Variants in HP1BP3 observed in about 807,000 individuals in gnomAD.
HP1BP3 encodes the protein heterochromatin protein 1-binding protein 3.
HP1BP3 carries 12 observed loss-of-function variants against 62.5 expected under a neutral mutation model. That is an observed-to-expected ratio of 0.19 (90% CI 0.12 to 0.31). The LOEUF is 0.31. Ranked by LOEUF, HP1BP3 falls within the 10% of genes least tolerant of loss-of-function variation. The pLI is 1.00. For synonymous variants in HP1BP3, 260 were observed against 237.8 expected (o/e 1.09, Z -0.86); for missense variants, 502 against 651.8 (o/e 0.77, Z 2.50).
chr1:20,776,950 T>C (rs2057330613), intron 3 of HP1BP3, among the ~76,000 whole-genome samples, 200 bp from the exon 4 acceptor site: 1 of 152,178 alleles, frequency 6.6e-6, no homozygotes, highest in Non-Finnish European at 1.5e-5. Context: ...TGGTTATTTA[T>C]CTATTATTAG....
At chr1:20,760,290 A>G (rs2056391250) in intron 8 of HP1BP3, among the ~76,000 whole-genome samples, 1 of 151,990 alleles carries the variant, frequency 6.6e-6, no homozygotes, top group African/African-American at 2.4e-5. Context: ...TGTAATCCCA[A>G]CACCTGGGTG....
In HP1BP3 at chr1:20,771,168, T is replaced by C. The variant is rs962216675; in HGVS notation, c.511-95A>G. The C allele has an allele frequency of 7.0e-5, 73 of 1,037,166 alleles. 2 individuals carry two copies. Among genetic ancestry groups the C allele is most frequent in the South Asian group, 6.0e-4 (40 of 66,308 alleles). The allele number at this position is 1,037,166 out of a possible 1,614,324, so 64.2% of individuals were successfully genotyped here. ...ATTATTTTGGAAGTGAATTTGATGA[T>C]AGATGACAAAAACGGTAGGGAAGAA... On this transcript the variant is annotated intron_variant, in intron 5 of 12. Coordinates refer to ENST00000438032, the MANE Select transcript of HP1BP3 (RefSeq NM_001372052.1).
Position 20,757,264 on chromosome 1 carries a change from G to GA in HP1BP3, c.891-9dup. ...TTCTTCAACAGCTGAGGCCTGCAAA[G>GA]AAAAACAAAAAAAAAATAGTGATAA... On this transcript the variant is annotated splice_polypyrimidine_tract_variant and intron_variant, in intron 8 of 12. Coordinates refer to ENST00000438032, the MANE Select transcript of HP1BP3 (RefSeq NM_001372052.1). 3 of 1,528,052 alleles carry GA rather than the reference G, an allele frequency of 2.0e-6. No homozygotes were observed. The highest frequency in any genetic ancestry group is 1.2e-5 in the South Asian group (1 of 80,218). 94.7% of individuals were successfully genotyped at this position (1,528,052 alleles called of 1,614,324 possible).
chr1:20,756,218 A>C (rs942281847), intron 9 of HP1BP3, among the ~76,000 whole-genome samples: 7 of 152,220 alleles, frequency 4.6e-5, no homozygotes, highest in African/African-American at 1.7e-4. Context: ...TCAAAGAATA[A>C]TTTCTACAAC....
intron 6 of HP1BP3, 117 bp downstream of exon 6, chr1:20,770,813 T>G (rs1384295205): frequency 9.2e-6 from 7 of 757,918 alleles, no homozygotes; most frequent in African/African-American, 1.8e-5. Context: ...TTAAGGAATT[T>G]CATCATCATG....
intron 1 of HP1BP3, among the ~76,000 whole-genome samples, chr1:20,783,854 G>A (rs1242991502): frequency 6.6e-6 from 1 of 150,578 alleles, no homozygotes; most frequent in Non-Finnish European, 1.5e-5. Context: ...GAACTTCAAA[G>A]CTTCAATCTG....
chr1:20,768,780 T>C (rs1356384343), intron 6 of HP1BP3, among the ~76,000 whole-genome samples: 3 of 151,936 alleles, frequency 2.0e-5, no homozygotes, highest in Non-Finnish European at 4.4e-5. Flanking sequence ...GCAGAGGGTG[T>C]AGTGAGCTGA....
At chr1:20,771,962 G>A (rs1277094694) in intron 5 of HP1BP3, among the ~76,000 whole-genome samples, 3 of 152,204 alleles carry the variant, frequency 2.0e-5, no homozygotes, top group Non-Finnish European at 4.4e-5. Flanking sequence ...CTCACAGGTA[G>A]ATGGTCCAGA....
chr1:20,778,858 C>T (rs925876114), intron 3 of HP1BP3, among the ~76,000 whole-genome samples: 2 of 151,280 alleles, frequency 1.3e-5, no homozygotes, highest in Non-Finnish European at 2.9e-5. Context: ...GGCGTGATCT[C>T]AGCTCACTGC....
At chr1:20,751,423 T>G (rs1174722130) in intron 9 of HP1BP3, among the ~76,000 whole-genome samples, 1 of 152,068 alleles carries the variant, frequency 6.6e-6, no homozygotes, top group African/African-American at 2.4e-5. Flanking sequence ...GTGAAAAATT[T>G]TGATAAATAT....
chr1:20,773,248 ATAAT>A (rs2057142180), intron 5 of HP1BP3, among the ~76,000 whole-genome samples, 199 bp downstream of exon 5: 1 of 152,036 alleles, frequency 6.6e-6, no homozygotes, highest in African/African-American at 2.4e-5. Flanking sequence ...TATATTAAAT[ATAAT>A]TTTTTTAAAA....
At chr1:20,751,741 TAA>T (rs140394272) in intron 9 of HP1BP3, among the ~76,000 whole-genome samples, 13 of 110,868 alleles carry the variant, frequency 1.2e-4, no homozygotes, top group South Asian at 2.8e-4. Flanking sequence ...AATAATAAAC[TAA>T]AAAAAAAAAA....
At chr1:20,759,665 GAAT>G (rs2154540254) in intron 8 of HP1BP3, among the ~76,000 whole-genome samples, 1 of 152,142 alleles carries the variant, frequency 6.6e-6, no homozygotes, top group East Asian at 1.9e-4. Context: ...CAAGTAACAA[GAAT>G]AATAAAAATA....
chr1:20,770,613 C>A (rs1409127689), intron 6 of HP1BP3, among the ~76,000 whole-genome samples: 1 of 152,114 alleles, frequency 6.6e-6, no homozygotes. Context: ...CCATCCCTAG[C>A]CTCATTTTTG....
At chr1:20,756,723 T>C (rs189774469) in intron 9 of HP1BP3, among the ~76,000 whole-genome samples, 1 of 151,826 alleles carries the variant, frequency 6.6e-6, no homozygotes, top group Non-Finnish European at 1.5e-5. Flanking sequence ...TTTGTGTTTT[T>C]TTGTTTGTTT....
At chr1:20,749,656 G>A in intron 10 of HP1BP3, 67 bp downstream of exon 10, 2 of 1,455,974 alleles carry the variant, frequency 1.4e-6, no homozygotes, top group Non-Finnish European at 1.9e-6. Flanking sequence ...ACAGTGCCTG[G>A]CCCTCCACGG....
intron 7 of HP1BP3, 110 bp downstream of exon 7, chr1:20,767,474 A>C: frequency 1.3e-6 from 1 of 791,728 alleles, no homozygotes; most frequent in East Asian, 2.5e-5. Flanking sequence ...CTTAGCAGAA[A>C]GGCTGAACCT....
chr1:20,775,034 T>TTA (rs911857571), intron 4 of HP1BP3: 2 of 151,420 alleles, frequency 1.3e-5, no homozygotes, highest in African/African-American at 2.4e-5. Flanking sequence ...TAATACCTGA[T>TTA]AATAAACAGC....
chr1:20,753,312 G>C (rs1047779964), intron 9 of HP1BP3, among the ~76,000 whole-genome samples: 1 of 152,198 alleles, frequency 6.6e-6, no homozygotes, highest in Admixed American at 6.5e-5. Context: ...TTATGAGGTA[G>C]ACAGTATCTT....
Sources: allele counts gnomAD v4.1 joint callset (sites outside exome capture counted in the v4.1 genomes callset), GRCh38; gene constraint gnomAD v4.1.1; transcripts MANE v1.5; gene names NCBI Gene and HGNC (gene_info 2026-07-23, HGNC 2026-07-21).